Variants in TLE3 observed in about 807,000 individuals in gnomAD.
TLE3 encodes the protein TLE family member 3, transcriptional corepressor, also known as transducin-like enhancer protein 3.
A neutral mutation model predicts 93.0 loss-of-function variants in TLE3; 14 were observed. That is an observed-to-expected ratio of 0.15 (90% CI 0.10 to 0.24). The LOEUF (loss-of-function observed/expected upper bound fraction) is 0.24. Ranked by LOEUF, TLE3 falls within the 10% of genes least tolerant of loss-of-function variation. The probability of loss-of-function intolerance (pLI) is 1.00; values close to 1 mark genes in which losing one functional copy is unlikely to be tolerated. For missense variants in TLE3, 693 were observed against 1,046.6 expected (o/e 0.66, Z 4.66); for synonymous variants, 451 against 425.0 (o/e 1.06, Z -0.75).
intron 6 of TLE3, 128 bp from the exon 7 acceptor site, chr15:70,066,346 G>T: frequency 1.3e-6 from 1 of 792,712 alleles, no homozygotes; most frequent in Non-Finnish European, 1.9e-6. Flanking sequence ...GTGGCAGGGG[G>T]AAGCACCCCC....
chr15:70,094,824 GCAC>G (rs1386283578), intron 3 of TLE3: 4 of 504,574 alleles, frequency 7.9e-6, no homozygotes, highest in African/African-American at 7.7e-5. Context: ...CCTCCCACAA[GCAC>G]CACATGTGCC....
intron 4 of TLE3, among the ~76,000 whole-genome samples, chr15:70,077,264 G>A (rs1249233238): frequency 1.3e-5 from 2 of 152,134 alleles, no homozygotes; most frequent in African/African-American, 4.8e-5. Context: ...AGATAGAAAG[G>A]CCTAGAACCA....
intron 2 of TLE3, 114 bp downstream of exon 2, chr15:70,096,047 C>T: frequency 2.4e-6 from 3 of 1,229,926 alleles, no homozygotes; most frequent in Non-Finnish European, 3.3e-6. Context: ...GAGGCCCGGG[C>T]TGCCCCGCCG....
In TLE3 at chr15:70,095,589, G is replaced by A. The variant is rs2058516274; in HGVS notation, c.178C>T (p.His60Tyr). The change falls in exon 3 of 20, where the codon CAT becomes TAT. Residue 60 changes from histidine (H) to tyrosine (Y), a missense_variant. Physicochemically the swap from His to Tyr is moderately conservative, Grantham distance 83. Around this residue, in one of 4 missense-constraint regions of TLE3, gnomAD observed 104 missense variants for 173.8 expected, o/e 0.60. Coordinates refer to ENST00000451782, the MANE Select transcript of TLE3 (RefSeq NM_001105192.3). ...LANEKTEMQR[H>Y]YVMYYEMSYG... ...CGGCCGCATCTCACCATCACATAAT[G>A]GCGCTGCATCTCCGTCTTCTCGTTT... 2.6e-6 allele frequency: 4 copies of A among 1,551,458 alleles called. No individual in the cohort carries two copies. The highest frequency in any genetic ancestry group is 3.5e-6 in the Non-Finnish European group (4 of 1,146,858).
rs1011309670 is a variant in TLE3, at chr15:70,097,518, G to T, written c.-720C>A. On this transcript the variant is annotated 5_prime_UTR_variant, in exon 1 of 20. Coordinates refer to ENST00000451782, the MANE Select transcript of TLE3 (RefSeq NM_001105192.3). ...CGGGGAGGAACTCCGGGCTCAGTAGGTGCAAATCAAACGCCCTGGCATCCT... is the reference window on the plus strand; with the variant it reads ...CGGGGAGGAACTCCGGGCTCAGTAGTTGCAAATCAAACGCCCTGGCATCCT... The T allele has an allele frequency of 4.0e-5, 16 of 402,678 alleles. No individual in the cohort carries two copies. The highest frequency in any genetic ancestry group is 5.7e-5 in the Non-Finnish European group (13 of 228,660). The allele number at this position is 402,678 out of a possible 1,614,324, so 24.9% of individuals were successfully genotyped here. A position where few individuals can be genotyped will look rare whatever the true frequency, so the allele number is the denominator to read the frequency against.
chr15:70,097,818 A>ACC lies in TLE3; in HGVS notation c.-1021_-1020insGG. The stretch of plus-strand genomic sequence containing the variant: ...CGCGCACGCACACACACACACACCA[A>ACC]AAAAAAAAGTGCCCCGGACCTACGG... On this transcript the variant is annotated 5_prime_UTR_variant, in exon 1 of 20. Coordinates refer to ENST00000451782, the MANE Select transcript of TLE3 (RefSeq NM_001105192.3). 10 of 167,288 alleles carry ACC rather than the reference A, an allele frequency of 6.0e-5. No individual in the cohort carries two copies. The highest frequency in any genetic ancestry group is 4.1e-4 in the Admixed American group (2 of 4,908). 10.4% of individuals were successfully genotyped at this position (167,288 alleles called of 1,614,324 possible). A position where few individuals can be genotyped will look rare whatever the true frequency, so the allele number is the denominator to read the frequency against.
chr15:70,083,708 T>A (rs1057204123), intron 4 of TLE3, among the ~76,000 whole-genome samples: 7 of 150,944 alleles, frequency 4.6e-5, no homozygotes, highest in Non-Finnish European at 5.9e-5. Context: ...CCCTTGCCCC[T>A]CAACAGGCTG....
chr15:70,052,739 C>A, intron 17 of TLE3: 1 of 392,704 alleles, frequency 2.5e-6, no homozygotes, highest in Non-Finnish European at 4.4e-6. Flanking sequence ...CTGAGACTTT[C>A]ATCTTTCCTT....
intron 6 of TLE3, among the ~76,000 whole-genome samples, chr15:70,070,177 C>T (rs971225929): frequency 1.3e-4 from 20 of 152,238 alleles, no homozygotes; most frequent in African/African-American, 4.6e-4. Context: ...GTTCACTTTT[C>T]CCTCCTTGAA....
Position 70,049,763 on chromosome 15 carries a change from A to C in TLE3, c.*334T>G, listed in dbSNP as rs1439526425. On this transcript the variant is annotated 3_prime_UTR_variant, in exon 20 of 20. Coordinates refer to ENST00000451782, the MANE Select transcript of TLE3 (RefSeq NM_001105192.3). ...GACCCAAGGTGAGGGACAGGGCAAA[A>C]GAAAAGGGAAGAACAAACAGAGACT... 2 of 235,692 alleles carry C rather than the reference A, an allele frequency of 8.5e-6. No homozygotes were observed. Among genetic ancestry groups the C allele is most frequent in the African/African-American group, 4.4e-5 (2 of 45,408 alleles). The allele number at this position is 235,692 out of a possible 1,614,324, so 14.6% of individuals were successfully genotyped here. A position where few individuals can be genotyped will look rare whatever the true frequency, so the allele number is the denominator to read the frequency against.
At chr15:70,057,717 C>A in intron 12 of TLE3, 59 bp from the exon 13 acceptor site, 1 of 1,528,158 alleles carries the variant, frequency 6.5e-7, no homozygotes, top group Non-Finnish European at 8.8e-7. Flanking sequence ...TGGCCATGGC[C>A]GCCTCACCCA....
chr15:70,060,444 A>C (rs1234482557), intron 9 of TLE3, 86 bp downstream of exon 9: 4 of 1,563,102 alleles, frequency 2.6e-6, no homozygotes, highest in Non-Finnish European at 3.5e-6. Context: ...AACCACAAGA[A>C]GACCCTGGCC....
chr15:70,057,635 A>C lies in TLE3; in HGVS notation c.1075T>G (p.Ser359Ala). 13 of 1,582,144 alleles carry C rather than the reference A, an allele frequency of 8.2e-6. No individual in the cohort carries two copies. Among genetic ancestry groups the C allele is most frequent in the Non-Finnish European group, 1.1e-5 (13 of 1,168,266 alleles). Residue 359 changes from serine (S) to alanine (A), a missense_variant, in exon 13 of 20, where the codon TCC becomes GCC. Physicochemically the swap from Ser to Ala is moderately conservative, Grantham distance 99. This residue lies in a region of TLE3 where 405 missense variants were observed against 468.9 expected (regional missense o/e 0.86). Coordinates refer to ENST00000451782, the MANE Select transcript of TLE3 (RefSeq NM_001105192.3). ...GGCGCCGCATAGGAGCTGGTGATGG[A>C]GATGGGCGTGCGCAGAGCCGAGGCT... ...PIASALRTPI[S>A]ITSSYAAPFA...
At chr15:70,093,819 T>C (rs1414044188) in intron 4 of TLE3, among the ~76,000 whole-genome samples, 2 of 152,170 alleles carry the variant, frequency 1.3e-5, no homozygotes, top group African/African-American at 4.8e-5. Flanking sequence ...GCTAAACTGG[T>C]TTGACTTCAG....
intron 13 of TLE3, 92 bp from the exon 14 acceptor site, chr15:70,056,466 C>A: frequency 8.7e-7 from 1 of 1,148,980 alleles, no homozygotes; most frequent in African/African-American, 1.5e-5. Context: ...GTCCTACCTG[C>A]ACGGCTCTGC....
intron 4 of TLE3, among the ~76,000 whole-genome samples, chr15:70,082,992 C>T (rs1453732693): frequency 6.6e-6 from 1 of 152,204 alleles, no homozygotes; most frequent in Non-Finnish European, 1.5e-5. Context: ...GCCAAGCTAG[C>T]ATGCATCCAG....
Position 70,096,886 on chromosome 15 carries a change from C to T in TLE3, c.-88G>A, listed in dbSNP as rs768869955. The T allele has an allele frequency of 4.8e-6, 7 of 1,456,282 alleles. No individual in the cohort carries two copies. Among genetic ancestry groups the T allele is most frequent in the East Asian group, 4.9e-5 (2 of 41,170 alleles). 90.2% of individuals were successfully genotyped at this position (1,456,282 alleles called of 1,614,324 possible). A position where few individuals can be genotyped will look rare whatever the true frequency, so the allele number is the denominator to read the frequency against. On this transcript the variant is annotated 5_prime_UTR_variant, in exon 1 of 20. Coordinates refer to ENST00000451782, the MANE Select transcript of TLE3 (RefSeq NM_001105192.3). ...GGGGGAGGGGGGAGCCGAGCCCGAGCGGGGGGCGGCCGGGAAACCGAGAGC... is the reference window on the plus strand; with the variant it reads ...GGGGGAGGGGGGAGCCGAGCCCGAGTGGGGGGCGGCCGGGAAACCGAGAGC...
intron 13 of TLE3, among the ~76,000 whole-genome samples, chr15:70,056,993 T>C (rs1207185281): frequency 1.3e-5 from 2 of 152,188 alleles, no homozygotes; most frequent in Middle Eastern, 3.2e-3. Flanking sequence ...CCCCAGGTGA[T>C]CCACCCGCCT....
chr15:70,061,689 G>C (rs2141570232), intron 8 of TLE3, among the ~76,000 whole-genome samples: 1 of 152,268 alleles, frequency 6.6e-6, no homozygotes, highest in African/African-American at 2.4e-5. Context: ...TCCTTTCTAA[G>C]AGTCCAAACT....
Sources: gnomAD v4.1 joint callset for allele counts (sites outside exome capture counted in the v4.1 genomes callset) on GRCh38, gnomAD v4.1.1 for gene constraint, gnomAD v4.1.1 regional missense constraint, MANE v1.5 for transcripts, NCBI Gene and HGNC (gene_info 2026-07-23, HGNC 2026-07-21) for gene names.